LRRC2: variants seen among roughly 807,000 people sequenced by gnomAD.
The protein encoded by LRRC2 is leucine-rich repeat-containing protein 2.
In LRRC2, 27 loss-of-function variants were observed where a neutral mutation model predicts 40.2. The ratio of observed to expected loss-of-function variants is 0.67; its 90% confidence interval spans 0.49 to 0.93. The LOEUF (loss-of-function observed/expected upper bound fraction) is 0.93. Among genes scored for constraint, LRRC2 ranks in the 40% least tolerant of loss-of-function variants. The probability of loss-of-function intolerance (pLI) is 0.00; values close to 1 mark genes in which losing one functional copy is unlikely to be tolerated. For missense variants in LRRC2, 402 were observed against 439.6 expected, an observed-to-expected ratio of 0.91 and a Z score of 0.76; for synonymous variants, 147 against 158.9, an observed-to-expected ratio of 0.92 and a Z score of 0.56.
At chr3:46,556,686 C>A (rs958894451) in intron 1 of LRRC2, among the ~76,000 whole-genome samples, 1 of 146,836 alleles carries the variant, frequency 6.8e-6, no homozygotes, top group Non-Finnish European at 1.5e-5. Context: ...TCAAGCAATT[C>A]TCCTGCCTCA....
intron 1 of LRRC2, among the ~76,000 whole-genome samples, chr3:46,553,018 A>G (rs948251979): frequency 6.6e-6 from 1 of 152,244 alleles, no homozygotes; most frequent in African/African-American, 2.4e-5. Flanking sequence ...TGCCTTGCAC[A>G]TGGTAGGCCC....
At chr3:46,542,744 G>C (rs1455483453) in intron 3 of LRRC2, among the ~76,000 whole-genome samples, 1 of 152,158 alleles carries the variant, frequency 6.6e-6, no homozygotes, top group Non-Finnish European at 1.5e-5. Context: ...TCTATTGCAG[G>C]GTTGGAAAAT....
At chr3:46,536,940 C>A (rs747482301) in intron 4 of LRRC2, among the ~76,000 whole-genome samples, 1 of 152,206 alleles carries the variant, frequency 6.6e-6, no homozygotes, top group Non-Finnish European at 1.5e-5. Context: ...GTGAGCATGA[C>A]TCATCCCATG....
chr3:46,561,409 G>C (rs1575364812), intron 1 of LRRC2, among the ~76,000 whole-genome samples: 1 of 152,206 alleles, frequency 6.6e-6, no homozygotes, highest in East Asian at 1.9e-4. Context: ...AAATAAAATA[G>C]CTGGGTGGTG....
In LRRC2 at chr3:46,515,812, T is replaced by C. The variant is rs1007417066; in HGVS notation, c.*3202A>G. On this transcript the variant is annotated 3_prime_UTR_variant, in exon 9 of 9. Transcript: ENST00000395905. The stretch of plus-strand genomic sequence containing the variant: ...GCCATATGTAACACATACCTTAGCA[T>C]GACATAAAATTCCAAAATCATTCAA... 1.2e-4 allele frequency: 19 copies of C among 152,172 alleles called. No homozygotes were observed. The highest frequency in any genetic ancestry group is 3.9e-4 in the Admixed American group (6 of 15,272). The allele number at this position is 152,172 out of a possible 1,614,324, so 9.4% of individuals were successfully genotyped here.
At chr3:46,546,715 C>CTTTTTTTTTTT (rs71098416) in intron 2 of LRRC2, among the ~76,000 whole-genome samples, 1 of 106,600 alleles carries the variant, frequency 9.4e-6, no homozygotes, top group South Asian at 3.3e-4. Context: ...CAATTTGCTC[C>CTTTTTTTTTTT]TTTTTTTTTT....
At chr3:46,529,526 T>C (rs1704121432) in intron 6 of LRRC2, among the ~76,000 whole-genome samples, 1 of 152,264 alleles carries the variant, frequency 6.6e-6, no homozygotes, top group Non-Finnish European at 1.5e-5. Flanking sequence ...AATCAATAAA[T>C]GAAACTAATA....
At chr3:46,534,900 C>T (rs1035108794) in intron 4 of LRRC2, among the ~76,000 whole-genome samples, 1 of 152,180 alleles carries the variant, frequency 6.6e-6, no homozygotes, top group Non-Finnish European at 1.5e-5. Flanking sequence ...TGTTCATTCC[C>T]ACGTTCCTCA....
intron 3 of LRRC2, among the ~76,000 whole-genome samples, chr3:46,539,789 G>T (rs1227828153): frequency 1.3e-5 from 2 of 152,194 alleles, no homozygotes; most frequent in South Asian, 4.1e-4. Flanking sequence ...AGTGTCCAAG[G>T]CCTCCCCTAG....
At chr3:46,538,383 C>T (rs1165209734) in intron 4 of LRRC2, among the ~76,000 whole-genome samples, 2 of 152,070 alleles carry the variant, frequency 1.3e-5, no homozygotes, top group East Asian at 3.9e-4. Flanking sequence ...GCCTGTAATC[C>T]CAGCACTTTG....
Position 46,518,791 on chromosome 3 carries a change from G to A in LRRC2, c.*223C>T, listed in dbSNP as rs1218226693. On this transcript the variant is annotated 3_prime_UTR_variant, in exon 9 of 9. Transcript: ENST00000395905. ...TATTTGGAAAAAAGTATATGCAAAT[G>A]AACCTGGAAATATCAATATACAAAC... The A allele has an allele frequency of 2.2e-6, 1 of 446,114 alleles. No individual in the cohort carries two copies. The highest frequency in any genetic ancestry group is 3.9e-6 in the Non-Finnish European group (1 of 254,068). The allele number at this position is 446,114 out of a possible 1,614,324, so 27.6% of individuals were successfully genotyped here.
chr3:46,539,929 G>T (rs1289176241), intron 3 of LRRC2, among the ~76,000 whole-genome samples: 1 of 152,004 alleles, frequency 6.6e-6, no homozygotes, highest in Non-Finnish European at 1.5e-5. Context: ...CAGGTGAGGG[G>T]TGCTCAGCAC....
chr3:46,556,512 T>G (rs1236502971), intron 1 of LRRC2, among the ~76,000 whole-genome samples: 2 of 152,032 alleles, frequency 1.3e-5, no homozygotes, highest in East Asian at 3.8e-4. Flanking sequence ...TTAGATTTGT[T>G]TAGCTTTTTT....
intron 5 of LRRC2, 77 bp downstream of exon 5, chr3:46,532,693 ACTT>A: frequency 7.1e-7 from 1 of 1,402,282 alleles, no homozygotes; most frequent in Middle Eastern, 2.0e-4. Context: ...ATATGTTAAA[ACTT>A]CTTGCCATAT....
intron 4 of LRRC2, among the ~76,000 whole-genome samples, chr3:46,534,131 T>C (rs1704223011): frequency 6.6e-6 from 1 of 152,020 alleles, no homozygotes; most frequent in Non-Finnish European, 1.5e-5. Context: ...CCTGTGTCCA[T>C]GTGTTCTCAT....
intron 1 of LRRC2, among the ~76,000 whole-genome samples, chr3:46,563,500 ATTCCTCCCCAAGTCACATGGC>A (rs1559423386): frequency 1.3e-5 from 2 of 151,332 alleles, no homozygotes; most frequent in Non-Finnish European, 2.9e-5. Flanking sequence ...AGCCTAGAGC[ATTCCTCCCCAAGTCACATGGC>A]TTCCTCCCCA....
chr3:46,549,455 G>C (rs1704595716), intron 2 of LRRC2, among the ~76,000 whole-genome samples: 1 of 152,102 alleles, frequency 6.6e-6, no homozygotes, highest in Non-Finnish European at 1.5e-5. Flanking sequence ...TTCTTCCCCA[G>C]CCCTACCTCA....
chr3:46,559,517 C>G (rs770781760), intron 1 of LRRC2: 1 of 152,228 alleles, frequency 6.6e-6, no homozygotes, highest in Admixed American at 6.5e-5. Context: ...TTCCTCAGGC[C>G]AGTTAGCCCT....
intron 1 of LRRC2, among the ~76,000 whole-genome samples, chr3:46,564,566 A>G (rs1705018034): frequency 6.6e-6 from 1 of 152,076 alleles, no homozygotes; most frequent in African/African-American, 2.4e-5. Context: ...GACTCAACAA[A>G]GTCTGGGAGG....
Sources: gnomAD v4.1 joint callset for allele counts (sites outside exome capture counted in the v4.1 genomes callset) on GRCh38, gnomAD v4.1.1 for gene constraint, MANE v1.5 for transcripts, NCBI Gene and HGNC (gene_info 2026-07-23, HGNC 2026-07-21) for gene names.